KIT: variants seen among roughly 807,000 people sequenced by gnomAD.
The protein encoded by KIT is KIT proto-oncogene, receptor tyrosine kinase.
A neutral mutation model predicts 105.7 loss-of-function variants in KIT; 16 were observed. The observed-to-expected ratio is 0.15, with a 90% confidence interval of 0.10 to 0.23. The LOEUF (loss-of-function observed/expected upper bound fraction) is 0.23. Among genes scored for constraint, KIT ranks in the 10% least tolerant of loss-of-function variants. The probability of loss-of-function intolerance (pLI) is 1.00; values close to 1 mark genes in which losing one functional copy is unlikely to be tolerated. For missense variants in KIT, 858 were observed against 1,213.8 expected (o/e 0.71, Z 4.36); for synonymous variants, 438 against 441.1 (o/e 0.99, Z 0.09).
intron 1 of KIT, among the ~76,000 whole-genome samples, chr4:54,669,137 T>C (rs1405965784): frequency 6.6e-6 from 1 of 152,236 alleles, no homozygotes; most frequent in Non-Finnish European, 1.5e-5. Flanking sequence ...TTTAGTATAG[T>C]CTGTATATGT....
intron 4 of KIT, among the ~76,000 whole-genome samples, chr4:54,703,068 G>A (rs1720555941): frequency 6.6e-6 from 1 of 152,050 alleles, no homozygotes; most frequent in Admixed American, 6.6e-5. Context: ...TGTCTTGTCT[G>A]CAGACAAAAA....
At position 54,738,515 on chromosome 4, in the gene KIT, C is replaced by A. The variant is rs200275681; in HGVS notation, c.2889C>A (p.Thr963=). Residue 963 remains threonine (T), a synonymous_variant, in exon 21 of 21, where the codon ACC becomes ACA. Transcript: ENST00000288135. ...HSVRINSVGS[T]ASSSQPLLVH... is the part of the protein sequence containing the mutation. Reference sequence around the variant, plus strand: ...TGCGGATCAATTCTGTCGGCAGCACCGCTTCCTCCTCCCAGCCTCTGCTTG... The same window carrying A: ...TGCGGATCAATTCTGTCGGCAGCACAGCTTCCTCCTCCCAGCCTCTGCTTG... 2.5e-6 allele frequency: 4 copies of A among 1,614,088 alleles called. No homozygotes were observed. In the South Asian group the frequency reaches 3.3e-5, roughly 13 times the overall value.
At chr4:54,679,402 G>A (rs1008689147) in intron 1 of KIT, among the ~76,000 whole-genome samples, 4 of 152,026 alleles carry the variant, frequency 2.6e-5, no homozygotes, top group African/African-American at 9.7e-5. Context: ...TTCTAGCAAT[G>A]GCCTCAGATA....
In KIT at chr4:54,699,706, G is replaced by A. The variant is rs201988161; in HGVS notation, c.696G>A (p.Thr232=). 9.3e-6 allele frequency: 15 copies of A among 1,613,940 alleles called. No homozygotes were observed. Among genetic ancestry groups the A allele is most frequent in the Middle Eastern group, 1.6e-4 (1 of 6,062 alleles). The change falls in exon 4 of 21, where the codon ACG becomes ACA. Residue 232 remains threonine, a synonymous_variant. Transcript: ENST00000288135. ...GGGAAGGGGAAGAATTCACAGTGAC[G>A]TGCACAATAAAAGATGTGTCTAGTT... ...LLREGEEFTV[T]CTIKDVSSSV...
At chr4:54,709,944 T>C (rs1721034964) in intron 7 of KIT, among the ~76,000 whole-genome samples, 1 of 152,236 alleles carries the variant, frequency 6.6e-6, no homozygotes, top group Non-Finnish European at 1.5e-5. Context: ...TGTTCAGTGC[T>C]GTCTCTTTTG....
chr4:54,697,609 C>G (rs907179263), intron 2 of KIT, among the ~76,000 whole-genome samples: 1 of 152,198 alleles, frequency 6.6e-6, no homozygotes, highest in Non-Finnish European at 1.5e-5. Context: ...TCCTGAAACT[C>G]ACAAGCTCCC....
intron 1 of KIT, among the ~76,000 whole-genome samples, chr4:54,671,868 C>T (rs1334846070): frequency 6.6e-6 from 1 of 152,158 alleles, no homozygotes; most frequent in East Asian, 1.9e-4. Context: ...GGCCTCTACC[C>T]ACTTTATCTT....
In KIT at chr4:54,739,593, C is replaced by T. The variant is rs1723131597; in HGVS notation, c.*1036C>T. ...CATCTTAGTTTGGATTCTTATGTAG[C>T]AGGAAATAAAGTATAGGTTTAGCCT... On this transcript the variant is annotated 3_prime_UTR_variant, in exon 21 of 21. Coordinates refer to ENST00000288135, the MANE Select transcript of KIT (RefSeq NM_000222.3). 4.3e-6 allele frequency: 1 copy of T among 233,424 alleles called. No homozygotes were observed. Among genetic ancestry groups the T allele is most frequent in the South Asian group, 1.8e-4 (1 of 5,530 alleles). The allele number at this position is 233,424 out of a possible 1,614,324, so 14.5% of individuals were successfully genotyped here.
chr4:54,660,622 G>A (rs3819390), intron 1 of KIT, among the ~76,000 whole-genome samples: 35,687 of 151,986 alleles, frequency 0.23, 4,733 homozygotes, highest in African/African-American at 0.36. Flanking sequence ...GTTGGAAACT[G>A]TGTGCCAGGC....
At chr4:54,738,398 G>A (rs1485837232) in intron 20 of KIT, 31 bp from the exon 21 acceptor site, 5 of 1,613,438 alleles carry the variant, frequency 3.1e-6, no homozygotes, top group Non-Finnish European at 4.2e-6. Context: ...TGTAGGGACT[G>A]CTGTATTGAC....
intron 8 of KIT, among the ~76,000 whole-genome samples, chr4:54,724,181 C>A (rs1354358498): frequency 6.6e-6 from 1 of 152,148 alleles, no homozygotes; most frequent in African/African-American, 2.4e-5. Context: ...TGTGCCCAGC[C>A]CCTGAACAGA....
At chr4:54,726,129 A>C in intron 9 of KIT, 79 bp downstream of exon 9, 1 of 1,144,784 alleles carries the variant, frequency 8.7e-7, no homozygotes, top group Non-Finnish European at 1.3e-6. Context: ...AGTTCATTCC[A>C]ACATTGACCA....
At chr4:54,673,098 C>T (rs12503461) in intron 1 of KIT, among the ~76,000 whole-genome samples, 67,091 of 151,986 alleles carry the variant, frequency 0.44, 15,104 homozygotes, top group African/African-American at 0.48. Flanking sequence ...TTCTTTAAAG[C>T]CCACTAGTTA....
chr4:54,725,458 G>A (rs115967846), intron 8 of KIT, among the ~76,000 whole-genome samples: 3,402 of 152,060 alleles, frequency 0.022, 137 homozygotes, highest in Admixed American at 0.092. Flanking sequence ...TCAACCATTC[G>A]TGTACCCTTT....
At position 54,723,648 on chromosome 4, in the gene KIT, A is replaced by T. The variant is rs781686359; in HGVS notation, c.1296A>T (p.Gly432=). 1.2e-6 allele frequency: 2 copies of T among 1,614,030 alleles called. No individual in the cohort carries two copies. Among genetic ancestry groups the T allele is most frequent in the Non-Finnish European group, 1.7e-6 (2 of 1,180,014 alleles). The stretch of plus-strand genomic sequence containing the variant: ...GCATGCTCCAATGTGTGGCAGCAGG[A>T]TTCCCAGAGCCCACAATAGATTGGT... The part of the protein sequence containing the change: ...VNGMLQCVAA[G]FPEPTIDWYF... Residue 432 remains glycine, a synonymous_variant, in exon 8 of 21, where the codon GGA becomes GGT. Transcript: ENST00000288135.
At position 54,695,720 on chromosome 4, in the gene KIT, C is replaced by A. The variant is rs373066995; in HGVS notation, c.276C>A (p.Thr92=). The change falls in exon 2 of 21, where the codon ACC becomes ACA. Residue 92 remains threonine (T), a synonymous_variant. Transcript: ENST00000288135. ...CGGAAAAGGCAGAAGCCACCAACAC[C>A]GGCAAATACACGTGCACCAACAAAC... ...WITEKAEATN[T]GKYTCTNKHG... 1 of 1,614,230 alleles carries A rather than the reference C, an allele frequency of 6.2e-7. No homozygotes were observed. Among genetic ancestry groups the A allele is most frequent in the Non-Finnish European group, 8.5e-7 (1 of 1,180,034 alleles).
rs193280312 is a variant in KIT, at chr4:54,717,680, T to C, written c.1232-5904T>C. Among the ~76,000 whole-genome samples, 174 of 152,276 alleles carry C rather than the reference T, an allele frequency of 1.1e-3. 2 individuals are homozygous for C. The highest frequency in any genetic ancestry group is 3.8e-4 in the Non-Finnish European group (26 of 68,022). ...AATTAGCTTCCTTCATTTACAGATA[T>C]ATGCAAGGTCACCTGTAATGTAGTG... On this transcript the variant is annotated intron_variant, in intron 7 of 20. Transcript: ENST00000288135.
rs1722933723 is a variant in KIT at position 54,736,577 on chromosome 4, A to G, written c.2564A>G (p.Tyr855Cys). 1 of 1,614,086 alleles carries G rather than the reference A, an allele frequency of 6.2e-7. No homozygotes were observed. The highest frequency in any genetic ancestry group is 8.5e-7 in the Non-Finnish European group (1 of 1,179,934). ...VYTFESDVWS[Y>C]GIFLWELFSL... ...ACGTTTGAAAGTGACGTCTGGTCCT[A>G]TGGGATTTTTCTTTGGGAGCTGTTC... The change falls in exon 18 of 21, where the codon TAT becomes TGT. Residue 855 changes from tyrosine to cysteine, a missense_variant. Around this residue, in one of 7 missense-constraint regions of KIT, gnomAD observed 63 missense variants for 137.4 expected, o/e 0.46. Coordinates refer to ENST00000288135, the MANE Select transcript of KIT (RefSeq NM_000222.3).
At chr4:54,696,734 G>T (rs1026166053) in intron 2 of KIT, among the ~76,000 whole-genome samples, 2 of 152,208 alleles carry the variant, frequency 1.3e-5, no homozygotes, top group African/African-American at 4.8e-5. Context: ...GCTCCATCAG[G>T]AGCGAATAAA....
Sources: allele counts gnomAD v4.1 joint callset (sites outside exome capture counted in the v4.1 genomes callset), GRCh38; gene constraint gnomAD v4.1.1; regional missense constraint gnomAD v4.1.1; transcripts MANE v1.5; gene names NCBI Gene and HGNC (gene_info 2026-07-23, HGNC 2026-07-21).